Variants in DNAJC24 observed in about 807,000 individuals in gnomAD.
DNAJC24 encodes DnaJ heat shock protein family (Hsp40) member C24.
In DNAJC24, 17 loss-of-function variants were observed where a neutral mutation model predicts 18.0. The observed-to-expected ratio is 0.94, with a 90% CI of 0.65 to 1.42. The LOEUF is 1.42. DNAJC24 is among the 40% of genes most tolerant of loss of function. The pLI is 0.00. For missense variants in DNAJC24, 158 were observed against 175.6 expected, an observed-to-expected ratio of 0.90 and a Z score of 0.57; for synonymous variants, 55 against 57.7, an observed-to-expected ratio of 0.95 and a Z score of 0.21.
At chr11:31,383,958 G>C (rs1296130278) in intron 2 of DNAJC24, among the ~76,000 whole-genome samples, 1 of 152,158 alleles carries the variant, frequency 6.6e-6, no homozygotes, top group Non-Finnish European at 1.5e-5. Flanking sequence ...TTCATTTCCA[G>C]AATAATTTCC....
At position 31,432,602 on chromosome 11, in the gene DNAJC24, T is replaced by C. The variant is rs1437819251; in HGVS notation, c.*2201T>C. 1 of 1,383,306 alleles carries C rather than the reference T, an allele frequency of 7.2e-7. No homozygotes were observed. The highest frequency in any genetic ancestry group is 2.3e-5 in the East Asian group (1 of 43,752). 85.7% of individuals were successfully genotyped at this position (1,383,306 alleles called of 1,614,324 possible). A position where few individuals can be genotyped will look rare whatever the true frequency, so the allele number is the denominator to read the frequency against. On this transcript the variant is annotated 3_prime_UTR_variant, in exon 5 of 5. Coordinates refer to ENST00000465995, the MANE Select transcript of DNAJC24 (RefSeq NM_181706.5). ...TCAAAATGAGGTTGAAGACAATTAG[T>C]GAAAGTAATGTTATAGTATCATCAT...
intron 2 of DNAJC24, among the ~76,000 whole-genome samples, chr11:31,375,271 C>T (rs1952302312): frequency 7.4e-6 from 1 of 135,460 alleles, no homozygotes; most frequent in African/African-American, 2.5e-5. Flanking sequence ...TTTGCACTTG[C>T]ACTCTGCCCA....
chr11:31,385,533 A>G (rs1952419953), intron 2 of DNAJC24, among the ~76,000 whole-genome samples: 1 of 152,216 alleles, frequency 6.6e-6, no homozygotes, highest in African/African-American at 2.4e-5. Flanking sequence ...GTCCCACCAT[A>G]TGATTGACTC....
rs567493640 is a variant in DNAJC24, at chr11:31,383,960, A to G, written c.111+13101A>G. ...ATCAGAACAAAAGTTCATTTCCAGA[A>G]TAATTTCCAGAATAGGCAAAATACT... On this transcript the variant is annotated intron_variant, in intron 2 of 4. Coordinates refer to ENST00000465995, the MANE Select transcript of DNAJC24 (RefSeq NM_181706.5). Among the ~76,000 whole-genome samples, 20 of 152,358 alleles carry G rather than the reference A, an allele frequency of 1.3e-4. No individual in the cohort carries two copies. The South Asian group carries it at 2.5e-3, about 19-fold the overall frequency.
Position 31,370,779 on chromosome 11 carries a change from G to A in DNAJC24, c.31G>A (p.Asp11Asn). 1 of 1,611,190 alleles carries A rather than the reference G, an allele frequency of 6.2e-7. No homozygotes were observed. Among genetic ancestry groups the A allele is most frequent in the East Asian group, 2.2e-5 (1 of 44,722 alleles). Residue 11 changes from aspartate to asparagine, a missense_variant, in exon 2 of 5, where the codon GAT becomes AAT. By Grantham distance (23) the Asp-to-Asn change is conservative. Transcript: ENST00000465995. The part of the protein sequence containing the change: MMAVEQMPKK[D>N]WYSILGADPS... ...GGCGGTTGAGCAGATGCCAAAAAAGGATTGGTACAGCATCCTGGGAGCAGA... is the reference window on the plus strand; with the variant it reads ...GGCGGTTGAGCAGATGCCAAAAAAGAATTGGTACAGCATCCTGGGAGCAGA...
intron 2 of DNAJC24, among the ~76,000 whole-genome samples, chr11:31,399,414 C>CT (rs568328386): frequency 0.017 from 2,324 of 138,406 alleles, 38 homozygotes; most frequent in East Asian, 0.044. Flanking sequence ...TCTTAATTCT[C>CT]TTTTTTTTTT....
chr11:31,383,944 A>G (rs1400463629), intron 2 of DNAJC24, among the ~76,000 whole-genome samples: 1 of 152,268 alleles, frequency 6.6e-6, no homozygotes, highest in Non-Finnish European at 1.5e-5. Flanking sequence ...TATCAGAACA[A>G]AAGTTCATTT....
At chr11:31,395,719 C>T (rs1258593435) in intron 2 of DNAJC24, among the ~76,000 whole-genome samples, 1 of 152,118 alleles carries the variant, frequency 6.6e-6, no homozygotes, top group Non-Finnish European at 1.5e-5. Context: ...AGGCACTGTG[C>T]TAGGTGCTAT....
At chr11:31,370,196 C>T (rs530789876) in intron 1 of DNAJC24, among the ~76,000 whole-genome samples, 5 of 152,274 alleles carry the variant, frequency 3.3e-5, no homozygotes, top group Admixed American at 2.6e-4. Context: ...TGTTCTCTAC[C>T]AGCTGGTGCT....
chr11:31,385,000 T>C (rs1952413862), intron 2 of DNAJC24: 1 of 151,796 alleles, frequency 6.6e-6, no homozygotes, highest in South Asian at 2.1e-4. Context: ...AAAAAAAGAG[T>C]TTTTAAAAAG....
intron 2 of DNAJC24, among the ~76,000 whole-genome samples, chr11:31,376,910 T>C (rs987335281): frequency 1.3e-5 from 2 of 152,146 alleles, no homozygotes; most frequent in African/African-American, 4.8e-5. Context: ...TTTGCATAAG[T>C]TTAGACTTTC....
intron 2 of DNAJC24, among the ~76,000 whole-genome samples, chr11:31,403,963 T>G (rs111939155): frequency 2.0e-5 from 3 of 152,324 alleles, no homozygotes; most frequent in East Asian, 1.9e-4. Context: ...TTATGGTTAT[T>G]TCTTGATTAT....
At chr11:31,411,635 C>T (rs563764225) in intron 2 of DNAJC24, among the ~76,000 whole-genome samples, 26 of 152,350 alleles carry the variant, frequency 1.7e-4, no homozygotes, top group Non-Finnish European at 2.8e-4. Flanking sequence ...TCTCTCTCCA[C>T]TGTCTTCACA....
chr11:31,407,142 A>T (rs1952664346), intron 2 of DNAJC24, among the ~76,000 whole-genome samples: 1 of 152,190 alleles, frequency 6.6e-6, no homozygotes. Flanking sequence ...ATACATAGGG[A>T]AAACCAAAGT....
chr11:31,412,667 C>T (rs951279772), intron 2 of DNAJC24, among the ~76,000 whole-genome samples: 3 of 152,104 alleles, frequency 2.0e-5, no homozygotes, highest in Non-Finnish European at 4.4e-5. Context: ...GCCTTAGTTT[C>T]CTTTTCTCCA....
chr11:31,407,909 TAAA>T (rs913805166), intron 2 of DNAJC24, among the ~76,000 whole-genome samples: 1 of 145,214 alleles, frequency 6.9e-6, no homozygotes, highest in Non-Finnish European at 1.5e-5. Flanking sequence ...GCCCCTCTCT[TAAA>T]AAAAAAAAAA....
chr11:31,390,574 C>CGG (rs1564949738), intron 2 of DNAJC24, among the ~76,000 whole-genome samples: 2 of 150,964 alleles, frequency 1.3e-5, no homozygotes, highest in African/African-American at 4.9e-5. Flanking sequence ...GGCCTGGTGG[C>CGG]GCATGCCTGT....
chr11:31,406,303 A>G (rs1244692966), intron 2 of DNAJC24, among the ~76,000 whole-genome samples: 1 of 152,244 alleles, frequency 6.6e-6, no homozygotes, highest in Non-Finnish European at 1.5e-5. Flanking sequence ...AAGGCACTTA[A>G]GTGCAGTACC....
At chr11:31,393,323 C>T (rs1952516331) in intron 2 of DNAJC24, among the ~76,000 whole-genome samples, 1 of 152,134 alleles carries the variant, frequency 6.6e-6, no homozygotes, top group African/African-American at 2.4e-5. Flanking sequence ...TGCAGATCCT[C>T]TTAGCTAAGG....
Sources: allele counts gnomAD v4.1 joint callset (sites outside exome capture counted in the v4.1 genomes callset), GRCh38; gene constraint gnomAD v4.1.1; transcripts MANE v1.5; gene names NCBI Gene and HGNC (gene_info 2026-07-23, HGNC 2026-07-21).